The following DLST variants were observed in gnomAD, a reference collection of about 807,000 sequenced individuals.
The protein encoded by DLST is dihydrolipoamide S-succinyltransferase.
In DLST, 17 loss-of-function variants were observed where a neutral mutation model predicts 53.1. The observed-to-expected ratio is 0.32, with a 90% CI of 0.22 to 0.48. The LOEUF is 0.48. DLST is among the 20% of genes least tolerant of loss of function. The pLI is 0.99. For missense variants in DLST, 512 were observed against 583.9 expected (o/e 0.88, Z 1.27); for synonymous variants, 206 against 204.8 (o/e 1.01, Z -0.05).
intron 2 of DLST, among the ~76,000 whole-genome samples, chr14:74,884,294 C>G (rs1363934616): frequency 6.6e-6 from 1 of 152,174 alleles, no homozygotes; most frequent in Non-Finnish European, 1.5e-5. Context: ...CATAAAGCCC[C>G]TAGCACAATG....
rs577823850 is a variant in DLST at position 74,885,447 on chromosome 14, A to G, written c.98-139A>G. ...ACTTTGGAAAAGTTTGAGAAGCAGG[A>G]CTCTATGATAAAGATTATATCCGTT... On this transcript the variant is annotated intron_variant, in intron 2 of 14. Transcript: ENST00000334220. 62 of 883,936 alleles carry G rather than the reference A, an allele frequency of 7.0e-5. No homozygotes were observed. The South Asian group carries it at 8.3e-4, about 12-fold the overall frequency. 54.8% of individuals were successfully genotyped at this position (883,936 alleles called of 1,614,324 possible). A position where few individuals can be genotyped will look rare whatever the true frequency, so the allele number is the denominator to read the frequency against.
intron 1 of DLST, 26 bp from the exon 2 acceptor site, chr14:74,882,565 G>A: frequency 6.2e-7 from 1 of 1,612,980 alleles, no homozygotes; most frequent in South Asian, 1.1e-5. Context: ...CTTGGGTGAC[G>A]TCGATAATGT....
At chr14:74,893,724 A>G in intron 9 of DLST, among the ~76,000 whole-genome samples, 1 of 152,164 alleles carries the variant, frequency 6.6e-6, no homozygotes, top group Non-Finnish European at 1.5e-5. Context: ...CCGTCCTCCC[A>G]CGATGTCACA....
At chr14:74,893,491 T>G in intron 9 of DLST, 67 bp downstream of exon 9, 1 of 1,555,002 alleles carries the variant, frequency 6.4e-7, no homozygotes, top group Non-Finnish European at 8.9e-7. Flanking sequence ...GGAGTATGGG[T>G]GTGGTGATGC....
chr14:74,900,076 C>A (rs1013555191), intron 12 of DLST, 80 bp downstream of exon 12: 4 of 1,269,366 alleles, frequency 3.2e-6, no homozygotes, highest in South Asian at 2.6e-5. Context: ...CAAGAGAAAT[C>A]ATTTCTTTAA....
At chr14:74,895,084 A>G (rs535542579) in intron 10 of DLST, among the ~76,000 whole-genome samples, 377 of 152,186 alleles carry the variant, frequency 2.5e-3, no homozygotes, top group Non-Finnish European at 3.5e-3. Flanking sequence ...AAAATTAGCC[A>G]GGTGTGGTGG....
rs1243705017 is a variant in DLST, at chr14:74,900,035, C to CTA, written c.975+39_975+40insTA. 5 of 1,498,394 alleles carry CTA rather than the reference C, an allele frequency of 3.3e-6. No homozygotes were observed. In the East Asian group the frequency reaches 1.1e-4, roughly 34 times the overall value. 92.8% of individuals were successfully genotyped at this position (1,498,394 alleles called of 1,614,324 possible). A position where few individuals can be genotyped will look rare whatever the true frequency, so the allele number is the denominator to read the frequency against. ...GGAGGTGGGGAATGTTGGTCTTAGA[C>CTA]CCTCACCTTATCTGTGTGAAGGAGA... is the stretch of plus-strand genomic sequence containing the variant. On this transcript the variant is annotated intron_variant, in intron 12 of 14. Coordinates refer to ENST00000334220, the MANE Select transcript of DLST (RefSeq NM_001933.5).
At position 74,902,904 on chromosome 14, in the gene DLST, C is replaced by T. The variant is rs1316577067; in HGVS notation, c.*574C>T. ...TGACTTCAAGATGCCTCTTCTACCTCTTCCAGGAAGCACAGGCCAGGGGAT... is the reference window on the plus strand; with the variant it reads ...TGACTTCAAGATGCCTCTTCTACCTTTTCCAGGAAGCACAGGCCAGGGGAT... On this transcript the variant is annotated 3_prime_UTR_variant, in exon 15 of 15. Coordinates refer to ENST00000334220, the MANE Select transcript of DLST (RefSeq NM_001933.5). The T allele has an allele frequency of 6.5e-6, 1 of 152,706 alleles. No individual in the cohort carries two copies. 9.5% of individuals were successfully genotyped at this position (152,706 alleles called of 1,614,324 possible).
intron 2 of DLST, among the ~76,000 whole-genome samples, chr14:74,883,821 T>C (rs1268804961): frequency 6.6e-6 from 1 of 152,258 alleles, no homozygotes; most frequent in Non-Finnish European, 1.5e-5. Context: ...TGTTCTCATT[T>C]ACTCATGGAC....
intron 3 of DLST, among the ~76,000 whole-genome samples, chr14:74,888,059 AC>A (rs1192885169): frequency 6.6e-6 from 1 of 152,118 alleles, no homozygotes; most frequent in African/African-American, 2.4e-5. Context: ...TACATCTCTC[AC>A]CCCTCAGAGG....
At chr14:74,882,849 G>A (rs913986412) in intron 2 of DLST, among the ~76,000 whole-genome samples, 2 of 152,232 alleles carry the variant, frequency 1.3e-5, no homozygotes, top group African/African-American at 4.8e-5. Flanking sequence ...TACAGGAGTG[G>A]ATACAGAAGT....
In DLST at chr14:74,899,930, C is replaced by T. The variant is rs373738787; in HGVS notation, c.909C>T (p.Asp303=). Residue 303 remains aspartate (D), a synonymous_variant, in exon 12 of 15, where the codon GAC becomes GAT. Coordinates refer to ENST00000334220, the MANE Select transcript of DLST (RefSeq NM_001933.5). ...QEQPVVNAVI[D]DTTKEVVYRD... is the part of the protein sequence containing the mutation. The stretch of plus-strand genomic sequence containing the variant: ...GTATTTTCTCTCTCATAGTGATTGA[C>T]GACACAACCAAAGAGGTGGTGTATA... 48 of 1,612,048 alleles carry T rather than the reference C, an allele frequency of 3.0e-5. No homozygotes were observed. The East Asian group carries it at 6.7e-4, about 22-fold the overall frequency.
chr14:74,888,865 C>T (rs559187037), intron 3 of DLST, among the ~76,000 whole-genome samples: 1 of 152,254 alleles, frequency 6.6e-6, no homozygotes, highest in Non-Finnish European at 1.5e-5. Flanking sequence ...GGGAGCTCAC[C>T]ATTTAAGGTA....
rs149579419 is a variant in DLST at position 74,895,415 on chromosome 14, C to T, written c.770+1006C>T. On this transcript the variant is annotated intron_variant, in intron 10 of 14. Coordinates refer to ENST00000334220, the MANE Select transcript of DLST (RefSeq NM_001933.5). ...CTGTCAGGAAGAGAAATTTGACAAA[C>T]GTGTTTTGAGTGCGTACTGTATACA... 2.9e-3 allele frequency among the ~76,000 whole-genome samples: 447 copies of T among 152,282 alleles called. 3 individuals are homozygous for T. The highest frequency in any genetic ancestry group is 9.3e-3 in the African/African-American group (388 of 41,560).
chr14:74,891,456 C>G (rs1883904791), intron 7 of DLST: 2 of 1,037,166 alleles, frequency 1.9e-6, no homozygotes, highest in Non-Finnish European at 2.3e-6. Flanking sequence ...TTGAGCATAC[C>G]TAATCTGAAA....
At chr14:74,888,225 C>T (rs182466294) in intron 3 of DLST, among the ~76,000 whole-genome samples, 55 of 150,638 alleles carry the variant, frequency 3.7e-4, no homozygotes, top group African/African-American at 9.3e-4. Flanking sequence ...GCAAGAGAAC[C>T]GAGTAGGAGA....
At chr14:74,893,912 G>A (rs1026129142) in intron 9 of DLST, among the ~76,000 whole-genome samples, 1 of 152,174 alleles carries the variant, frequency 6.6e-6, no homozygotes, top group Non-Finnish European at 1.5e-5. Flanking sequence ...TGATAGCCTC[G>A]AAAGTTTGTT....
intron 10 of DLST, among the ~76,000 whole-genome samples, chr14:74,898,031 A>T (rs1439031450): frequency 1.3e-5 from 2 of 149,480 alleles, no homozygotes; most frequent in Non-Finnish European, 3.0e-5. Flanking sequence ...TTTTTTCAGG[A>T]TGGATAGCTC....
At chr14:74,884,740 G>A (rs1005077980) in intron 2 of DLST, among the ~76,000 whole-genome samples, 3 of 152,170 alleles carry the variant, frequency 2.0e-5, no homozygotes, top group African/African-American at 7.2e-5. Context: ...TGGACATAAA[G>A]GTGACTGGCT....
Sources: gnomAD v4.1 joint callset for allele counts (sites outside exome capture counted in the v4.1 genomes callset) on GRCh38, gnomAD v4.1.1 for gene constraint, MANE v1.5 for transcripts, NCBI Gene and HGNC (gene_info 2026-07-23, HGNC 2026-07-21) for gene names.